NWD2: variants seen among roughly 807,000 people sequenced by gnomAD.
NWD2 encodes the protein NACHT and WD repeat domain-containing protein 2.
A neutral mutation model predicts 132.7 loss-of-function variants in NWD2; 37 were observed. That is an observed-to-expected ratio of 0.28 (90% confidence interval 0.21 to 0.37). NWD2 has a LOEUF of 0.37. NWD2 is among the 10% of genes least tolerant of loss of function. NWD2 has a pLI of 1.00. For missense variants in NWD2, 1,592 were observed against 2,122.4 expected (o/e 0.75, Z 4.91); for synonymous variants, 705 against 803.0 (o/e 0.88, Z 2.06).
chr4:37,418,808 C>A (rs1483858782), intron 3 of NWD2, among the ~76,000 whole-genome samples: 2 of 152,072 alleles, frequency 1.3e-5, no homozygotes, highest in Non-Finnish European at 2.9e-5. Flanking sequence ...CCTATTTCTC[C>A]ACATCCTCTC....
chr4:37,294,849 A>T (rs1718443432), intron 1 of NWD2, among the ~76,000 whole-genome samples: 2 of 152,222 alleles, frequency 1.3e-5, no homozygotes, highest in Non-Finnish European at 2.9e-5. Flanking sequence ...CAAAATAAAG[A>T]TCACATCTGA....
intron 3 of NWD2, among the ~76,000 whole-genome samples, chr4:37,418,795 G>T (rs1012986242): frequency 6.6e-6 from 1 of 152,034 alleles, no homozygotes; most frequent in African/African-American, 2.4e-5. Context: ...GTGTAAAAGC[G>T]TTCCTATTTC....
chr4:37,291,427 A>G (rs1200344036), intron 1 of NWD2, among the ~76,000 whole-genome samples: 1 of 152,192 alleles, frequency 6.6e-6, no homozygotes, highest in African/African-American at 2.4e-5. Flanking sequence ...TAATTACATC[A>G]GTCTAGTAGG....
chr4:37,269,416 G>A (rs1342456466), intron 1 of NWD2, among the ~76,000 whole-genome samples: 2 of 151,790 alleles, frequency 1.3e-5, no homozygotes, highest in Non-Finnish European at 2.9e-5. Context: ...ACAATGAAAT[G>A]CATCTTAAGT....
chr4:37,252,060 G>A (rs1332707192), intron 1 of NWD2, among the ~76,000 whole-genome samples: 7 of 152,164 alleles, frequency 4.6e-5, no homozygotes, highest in Non-Finnish European at 2.9e-5. Context: ...TGTGGAGGGG[G>A]TCAGAATGAG....
chr4:37,292,980 G>A (rs943986338), intron 1 of NWD2, among the ~76,000 whole-genome samples: 2 of 152,192 alleles, frequency 1.3e-5, no homozygotes, highest in Admixed American at 6.5e-5. Context: ...TGACCTGGGG[G>A]TTGGGGGCCT....
chr4:37,279,094 A>G (rs996287670), intron 1 of NWD2, among the ~76,000 whole-genome samples: 3 of 152,198 alleles, frequency 2.0e-5, no homozygotes, highest in African/African-American at 7.2e-5. Flanking sequence ...TAAATGGAAA[A>G]GACAATTTGC....
rs1156884728 is a variant in NWD2 at position 37,395,584 on chromosome 4, C to CAAAAAAAAAAAAAAAA, written c.358-34978_358-34963dup. ...GGGCAACAAGAGCGAAACTCTGTCTCAAAAAAAAAAAAAAAAAAAAAAAAA... is the reference window on the plus strand; with the variant it reads ...GGGCAACAAGAGCGAAACTCTGTCTCAAAAAAAAAAAAAAAAAAAAAAAAAAAAAAAAAAAAAAAAA... On this transcript the variant is annotated intron_variant, in intron 3 of 6. Transcript: ENST00000309447. Among the ~76,000 whole-genome samples the CAAAAAAAAAAAAAAAA allele has an allele frequency of 1.9e-3, 35 of 18,282 alleles. 4 individuals carry two copies. Among genetic ancestry groups the CAAAAAAAAAAAAAAAA allele is most frequent in the African/African-American group, 5.2e-3 (27 of 5,202 alleles). The allele number at this position is 18,282 out of a possible 152,430, so 12.0% of individuals were successfully genotyped here. A position where few individuals can be genotyped will look rare whatever the true frequency, so the allele number is the denominator to read the frequency against.
At position 37,445,556 on chromosome 4, in the gene NWD2, A is replaced by T. The variant is rs764922468; in HGVS notation, c.3568A>T (p.Ser1190Cys). The part of the protein sequence containing the change: ...TDDFDCRRED[S>C]EVVSIELSED... Reference sequence around the variant, plus strand: ...TGACTTTGATTGCCGAAGAGAAGACAGTGAGGTGGTCAGCATTGAGCTTTC... The same window carrying T: ...TGACTTTGATTGCCGAAGAGAAGACTGTGAGGTGGTCAGCATTGAGCTTTC... Residue 1190 changes from serine (S) to cysteine (C), a missense_variant, in exon 7 of 7, where the codon AGT becomes TGT. Coordinates refer to ENST00000309447, the MANE Select transcript of NWD2 (RefSeq NM_001144990.2). The surrounding 1 kb of genome is among the most constrained non-coding windows in gnomAD (Gnocchi z 4.7). The T allele has an allele frequency of 6.4e-7, 1 of 1,552,118 alleles. No individual in the cohort carries two copies. Among genetic ancestry groups the T allele is most frequent in the Non-Finnish European group, 8.7e-7 (1 of 1,147,136 alleles).
At chr4:37,379,491 G>T (rs1023973515) in intron 3 of NWD2, among the ~76,000 whole-genome samples, 14 of 152,004 alleles carry the variant, frequency 9.2e-5, no homozygotes, top group African/African-American at 3.4e-4. Flanking sequence ...TCATGCTTTT[G>T]TATTTCAAAA....
intron 1 of NWD2, among the ~76,000 whole-genome samples, chr4:37,307,983 C>T (rs1324359192): frequency 1.3e-5 from 2 of 152,056 alleles, no homozygotes; most frequent in Non-Finnish European, 2.9e-5. Flanking sequence ...TATTAAATTT[C>T]TCATTCAGAT....
intron 1 of NWD2, among the ~76,000 whole-genome samples, chr4:37,274,066 GA>G (rs1301192699): frequency 1.3e-5 from 2 of 152,040 alleles, no homozygotes; most frequent in Admixed American, 1.3e-4. Flanking sequence ...CGGAAGGCAA[GA>G]AATAACTAAG....
chr4:37,384,675 C>T (rs1161201250), intron 3 of NWD2, among the ~76,000 whole-genome samples: 1 of 152,194 alleles, frequency 6.6e-6, no homozygotes, highest in South Asian at 2.1e-4. Flanking sequence ...GGCCAACAGG[C>T]AGAGCTGAGA....
intron 3 of NWD2, among the ~76,000 whole-genome samples, chr4:37,387,554 G>A (rs1025040726): frequency 6.6e-6 from 1 of 151,162 alleles, no homozygotes; most frequent in South Asian, 2.1e-4. Flanking sequence ...TGTACGTCCT[G>A]TATCTTCACC....
chr4:37,328,510 C>T (rs1719222301), intron 2 of NWD2, among the ~76,000 whole-genome samples: 3 of 151,990 alleles, frequency 2.0e-5, no homozygotes, highest in Admixed American at 2.0e-4. Context: ...TTTTCTGTTC[C>T]TGTGTTAGTT....
At chr4:37,320,183 A>G (rs1286327549) in intron 1 of NWD2, among the ~76,000 whole-genome samples, 1 of 152,004 alleles carries the variant, frequency 6.6e-6, no homozygotes, top group Non-Finnish European at 1.5e-5. Context: ...TCTTGTAGAG[A>G]TCTTTCATCT....
chr4:37,439,410 C>A lies in NWD2; in HGVS notation c.1296+20C>A. Reference sequence around the variant, plus strand: ...AAGAAGGTAAAAGCCTATTCTTTCCCGTGTATATTTGTAAAAACTTGTACT... The same window carrying A: ...AAGAAGGTAAAAGCCTATTCTTTCCAGTGTATATTTGTAAAAACTTGTACT... On this transcript the variant is annotated intron_variant, in intron 6 of 6. Transcript: ENST00000309447. This position sits in a 1 kb window ranked among gnomAD's most constrained non-coding sequence, Gnocchi z 4.5. The A allele has an allele frequency of 7.3e-7, 1 of 1,370,696 alleles. No homozygotes were observed. Among genetic ancestry groups the A allele is most frequent in the Non-Finnish European group, 9.6e-7 (1 of 1,039,270 alleles). The allele number at this position is 1,370,696 out of a possible 1,614,324, so 84.9% of individuals were successfully genotyped here.
intron 1 of NWD2, among the ~76,000 whole-genome samples, chr4:37,289,335 T>G (rs866509631): frequency 2.0e-5 from 3 of 152,224 alleles, no homozygotes; most frequent in Non-Finnish European, 1.5e-5. Flanking sequence ...TACTTAGCTT[T>G]TGGATACTAA....
chr4:37,304,368 G>A (rs976695392), intron 1 of NWD2, among the ~76,000 whole-genome samples: 3 of 150,318 alleles, frequency 2.0e-5, no homozygotes, highest in South Asian at 2.1e-4. Flanking sequence ...ATTCTACCCC[G>A]GTCCTTCCCA....
Sources: gnomAD v4.1 joint callset for allele counts (sites outside exome capture counted in the v4.1 genomes callset) on GRCh38, gnomAD v4.1.1 for gene constraint, Gnocchi (gnomAD v3.1) non-coding constraint, MANE v1.5 for transcripts, NCBI Gene and HGNC (gene_info 2026-07-23, HGNC 2026-07-21) for gene names.